Variants in AHNAK observed in about 807,000 individuals in gnomAD.
The protein encoded by AHNAK is AHNAK nucleoprotein.
A neutral mutation model predicts 37.8 loss-of-function variants in AHNAK; 23 were observed. That is an observed-to-expected ratio of 0.61 (90% CI 0.44 to 0.86). The LOEUF is 0.86. Among genes scored for constraint, AHNAK ranks in the 40% least tolerant of loss-of-function variants. The pLI, the probability that AHNAK is intolerant of heterozygous loss-of-function variation, is 0.00. For synonymous variants in AHNAK, 2,481 were observed against 2,636.3 expected (o/e 0.94, Z 1.80); for missense variants, 7,411 against 7,319.4 (o/e 1.01, Z -0.46).
Position 62,527,459 on chromosome 11 carries a change from T to C in AHNAK, c.6958A>G (p.Asn2320Asp). 2 of 1,614,130 alleles carry C rather than the reference T, an allele frequency of 1.2e-6. No individual in the cohort carries two copies. The highest frequency in any genetic ancestry group is 1.7e-6 in the Non-Finnish European group (2 of 1,180,008). ...PKISMPDVDF[N>D]LKGPKIKGDV... ...CCTTTGATTTTGGGTCCCTTTAAAT[T>C]GAAATCAACATCAGGCATGGAGATC... The change falls in exon 5 of 5, where the codon AAT becomes GAT. Residue 2320 changes from asparagine to aspartate, a missense_variant. Physicochemically the swap from Asn to Asp is conservative, Grantham distance 23. Transcript: ENST00000378024.
In AHNAK at chr11:62,532,605, A is replaced by G. The variant is rs542957763; in HGVS notation, c.1812T>C (p.Asp604=). The change falls in exon 5 of 5, where the codon GAT becomes GAC. Residue 604 remains aspartate, a synonymous_variant. Transcript: ENST00000378024. ...VEGKVKVPEV[D]VRGPKVDVSA... ...TGACATCCACTTTGGGGCCTCTGACATCAACTTCAGGGACTTTGACTTTCC... is the reference window on the plus strand; with the variant it reads ...TGACATCCACTTTGGGGCCTCTGACGTCAACTTCAGGGACTTTGACTTTCC... 184 of 1,614,142 alleles carry G rather than the reference A, an allele frequency of 1.1e-4. 1 individual carries two copies. In the South Asian group the frequency reaches 1.8e-3, roughly 16 times the overall value.
intron 5 of AHNAK, among the ~76,000 whole-genome samples, chr11:62,465,480 G>T (rs1007794076): frequency 1.3e-5 from 2 of 151,964 alleles, no homozygotes; most frequent in Non-Finnish European, 2.9e-5. Context: ...GGGCGTTGTG[G>T]CAGGCGCCTG....
intron 5 of AHNAK, among the ~76,000 whole-genome samples, chr11:62,476,044 C>T (rs952561880): frequency 6.6e-6 from 1 of 152,098 alleles, no homozygotes; most frequent in African/African-American, 2.4e-5. Context: ...TATTCAAGTT[C>T]AAAATGGGTT....
intron 5 of AHNAK, among the ~76,000 whole-genome samples, chr11:62,461,718 G>A (rs1342891650): frequency 3.3e-5 from 5 of 152,058 alleles, no homozygotes; most frequent in African/African-American, 9.6e-5. Flanking sequence ...CCAGCTACTC[G>A]GGAGGCTGAG....
At chr11:62,457,904 C>T (rs1045561289) in intron 5 of AHNAK, among the ~76,000 whole-genome samples, 7 of 147,138 alleles carry the variant, frequency 4.8e-5, no homozygotes, top group African/African-American at 1.8e-4. Flanking sequence ...AAAAGAGAAG[C>T]TGAATTTTTT....
intron 5 of AHNAK, among the ~76,000 whole-genome samples, chr11:62,446,280 C>T (rs1938421897): frequency 6.6e-6 from 1 of 152,120 alleles, no homozygotes; most frequent in South Asian, 2.1e-4. Flanking sequence ...GAACCTGAAA[C>T]TCAAGTCCTC....
At chr11:62,444,750 G>C (rs1938389596) in intron 5 of AHNAK, among the ~76,000 whole-genome samples, 2 of 152,152 alleles carry the variant, frequency 1.3e-5, no homozygotes, top group Non-Finnish European at 2.9e-5. Flanking sequence ...ATTTCATCTG[G>C]GCAGATGTGA....
rs1319935963 is a variant in AHNAK, at chr11:62,532,550, C to T, written c.1867G>A (p.Glu623Lys). The T allele has an allele frequency of 6.2e-7, 1 of 1,614,166 alleles. No individual in the cohort carries two copies. The highest frequency in any genetic ancestry group is 8.5e-7 in the Non-Finnish European group (1 of 1,180,034). ...ATCTTGGGCATTTTCAGGTTCCATT[C>T]TGGGCCATGCGCTTCGACATCTGGG... is the stretch of plus-strand genomic sequence containing the variant. ...SAPDVEAHGPEWNLKMPKMKM... is the reference protein window; with the variant it reads ...SAPDVEAHGPKWNLKMPKMKM... The change falls in exon 5 of 5, where the codon GAA becomes AAA. Residue 623 changes from glutamate to lysine, a missense_variant. By Grantham distance (56) the Glu-to-Lys change is moderately conservative. Transcript: ENST00000378024.
chr11:62,501,492 G>C (rs569917340), intron 4 of AHNAK, among the ~76,000 whole-genome samples: 13 of 152,308 alleles, frequency 8.5e-5, no homozygotes, highest in African/African-American at 2.9e-4. Context: ...GCTTGAACCC[G>C]GGAGGTGGAG....
At chr11:62,460,032 C>T (rs1288714546) in intron 5 of AHNAK, among the ~76,000 whole-genome samples, 3 of 151,842 alleles carry the variant, frequency 2.0e-5, no homozygotes, top group Non-Finnish European at 4.4e-5. Flanking sequence ...GCAGGAGAAT[C>T]GCTTGAACCC....
chr11:62,444,519 G>A (rs1377278468), intron 5 of AHNAK, among the ~76,000 whole-genome samples: 1 of 152,254 alleles, frequency 6.6e-6, no homozygotes, highest in Non-Finnish European at 1.5e-5. Flanking sequence ...GGCTGACAGC[G>A]TGCCCCGCCC....
chr11:62,525,747 C>A lies in AHNAK; in HGVS notation c.8670G>T (p.Trp2890Cys). 6.2e-7 allele frequency: 1 copy of A among 1,613,212 alleles called. No individual in the cohort carries two copies. Among genetic ancestry groups the A allele is most frequent in the Non-Finnish European group, 8.5e-7 (1 of 1,179,868 alleles). The change falls in exon 5 of 5, where the codon TGG becomes TGT. Residue 2890 changes from tryptophan to cysteine, a missense_variant. Transcript: ENST00000378024. ...TTTTCATCTTGGGCATCTTCAGGTGCCAGTCTGGACCCTGAACATTAACAT... is the reference window on the plus strand; with the variant it reads ...TTTTCATCTTGGGCATCTTCAGGTGACAGTCTGGACCCTGAACATTAACAT... The part of the protein sequence containing the change: ...VPDVNVQGPD[W>C]HLKMPKMKMP...
Position 62,531,446 on chromosome 11 carries a change from C to T in AHNAK, c.2971G>A (p.Gly991Ser). The change falls in exon 5 of 5, where the codon GGT (glycine) becomes AGT (serine). Residue 991 changes from glycine to serine, a missense_variant. Physicochemically the swap from Gly to Ser is moderately conservative, Grantham distance 56. Transcript: ENST00000378024. ...GGCATCTTCAAGTTCCAGTCAGGAC[C>T]CTGCATTTCAACATCTGGGGCACTG... The part of the protein sequence containing the change: ...DVSAPDVEMQ[G>S]PDWNLKMPKI... 2 of 1,614,164 alleles carry T rather than the reference C, an allele frequency of 1.2e-6. No homozygotes were observed. Among genetic ancestry groups the T allele is most frequent in the Non-Finnish European group, 8.5e-7 (1 of 1,180,028 alleles).
intron 5 of AHNAK, among the ~76,000 whole-genome samples, chr11:62,443,395 C>A (rs1175050841): frequency 2.0e-5 from 3 of 151,840 alleles, no homozygotes; most frequent in Non-Finnish European, 4.4e-5. Context: ...GCCTCAGCCT[C>A]CTGAGTAGCT....
rs1940176065 is a variant in AHNAK at position 62,520,074 on chromosome 11, G to A, written c.14343C>T (p.Pro4781=). 6 of 1,612,478 alleles carry A rather than the reference G, an allele frequency of 3.7e-6. No homozygotes were observed. The highest frequency in any genetic ancestry group is 1.3e-5 in the African/African-American group (1 of 74,392). Residue 4781 remains proline (P), a synonymous_variant, in exon 5 of 5, where the codon CCC becomes CCT. Transcript: ENST00000378024. ...TGCTGAATTTGGGCATTTTCACCTT[G>A]GGCATCTTCAGGTGCCAGTCTGGGC... The part of the protein sequence containing the change: ...VHGPDWHLKM[P]KVKMPKFSMP...
rs1246918462 is a variant in AHNAK, at chr11:62,521,997, A to T, written c.12420T>A (p.Gly4140=). The T allele has an allele frequency of 6.2e-7, 1 of 1,612,514 alleles. No homozygotes were observed. Among genetic ancestry groups the T allele is most frequent in the Non-Finnish European group, 8.5e-7 (1 of 1,179,694 alleles). Reference sequence around the variant, plus strand: ...CGTCCACGTCGCCCTTCATCTTTGGACCTTTCAGATTCAGGTCAACTTCAG... The same window carrying T: ...CGTCCACGTCGCCCTTCATCTTTGGTCCTTTCAGATTCAGGTCAACTTCAG... ...SMPEVDLNLK[G]PKMKGDVDVS... is the part of the protein sequence containing the mutation. Residue 4140 remains glycine, a synonymous_variant, in exon 5 of 5, where the codon GGT becomes GGA. Coordinates refer to ENST00000378024, the MANE Select transcript of AHNAK (RefSeq NM_001620.3).
intron 5 of AHNAK, among the ~76,000 whole-genome samples, chr11:62,490,979 G>C (rs139258422): frequency 1.3e-5 from 2 of 151,992 alleles, no homozygotes; most frequent in Non-Finnish European, 2.9e-5. Context: ...GTAGAGACAG[G>C]GTTTCACTAT....
Position 62,525,893 on chromosome 11 carries a change from G to C in AHNAK, c.8524C>G (p.Leu2842Val), listed in dbSNP as rs139319084. The C allele has an allele frequency of 4.2e-5, 67 of 1,613,952 alleles. No homozygotes were observed. The highest frequency in any genetic ancestry group is 5.4e-5 in the Non-Finnish European group (64 of 1,180,026). The change falls in exon 5 of 5, where the codon CTG becomes GTG. Residue 2842 changes from leucine to valine, a missense_variant. Physicochemically the swap from Leu to Val is conservative, Grantham distance 32 (BLOSUM62 1). Transcript: ENST00000378024. Reference sequence around the variant, plus strand: ...TTTATTTTTGGACCTGTGAGATTCAGGTCAATATCTGGCATGGATATCTTT... The same window carrying C: ...TTTATTTTTGGACCTGTGAGATTCACGTCAATATCTGGCATGGATATCTTT... ...TPKISMPDID[L>V]NLTGPKIKGD...
chr11:62,545,570 A>C (rs1941279637), intron 1 of AHNAK: 1 of 152,724 alleles, frequency 6.5e-6, no homozygotes, highest in Non-Finnish European at 1.5e-5. Flanking sequence ...ACACACCCTA[A>C]GCACGCTGCC....
Sources: gnomAD v4.1 joint callset for allele counts (sites outside exome capture counted in the v4.1 genomes callset) on GRCh38, gnomAD v4.1.1 for gene constraint, MANE v1.5 for transcripts, NCBI Gene and HGNC (gene_info 2026-07-23, HGNC 2026-07-21) for gene names.